Variants in RPSA2 observed in about 807,000 individuals in gnomAD.
The protein encoded by RPSA2 is ribosomal protein SA 2.
At chr19:23,815,097 T>G in the RPSA2 span, among the ~76,000 whole-genome samples, 1 of 152,174 alleles carries the variant, frequency 6.6e-6, no homozygotes, top group African/African-American at 2.4e-5. Flanking sequence ...CCTCCTACCT[T>G]GATCTCTAAG....
chr19:23,765,339 C>T, the RPSA2 span, among the ~76,000 whole-genome samples: 34 of 152,154 alleles, frequency 2.2e-4, no homozygotes, highest in African/African-American at 4.8e-4. Context: ...CACATGCATG[C>T]GTATGTGCAC....
chr19:23,778,272 G>T, the RPSA2 span, among the ~76,000 whole-genome samples: 1 of 152,156 alleles, frequency 6.6e-6, no homozygotes, highest in African/African-American at 2.4e-5. Context: ...GAATGCAATG[G>T]CGCAATCTCG....
the RPSA2 span, among the ~76,000 whole-genome samples, chr19:23,847,098 C>T: frequency 6.6e-6 from 1 of 151,760 alleles, no homozygotes; most frequent in African/African-American, 2.4e-5. Flanking sequence ...TTTAAAAGAC[C>T]TGTTTAAAGG....
the RPSA2 span, among the ~76,000 whole-genome samples, chr19:23,778,994 A>AATTT: frequency 3.7e-5 from 1 of 26,694 alleles, no homozygotes. Flanking sequence ...TTTTTGTGAC[A>AATTT]CTTTTTTTTT....
chr19:23,774,780 C>T, the RPSA2 span, among the ~76,000 whole-genome samples: 3 of 152,136 alleles, frequency 2.0e-5, no homozygotes, highest in African/African-American at 7.2e-5. Context: ...TGATATGACT[C>T]TACTGTCTGT....
chr19:23,869,107 G>A, the RPSA2 span, among the ~76,000 whole-genome samples: 1 of 152,168 alleles, frequency 6.6e-6, no homozygotes, highest in African/African-American at 2.4e-5. Context: ...CAATCCTCCA[G>A]CAGTACAACC....
the RPSA2 span, among the ~76,000 whole-genome samples, chr19:23,781,561 A>T: frequency 6.6e-6 from 1 of 150,380 alleles, no homozygotes; most frequent in Non-Finnish European, 1.5e-5. Flanking sequence ...CTGGTCTCGA[A>T]CTCCTGACCT....
the RPSA2 span, among the ~76,000 whole-genome samples, chr19:23,849,757 C>T: frequency 2.0e-5 from 3 of 152,256 alleles, no homozygotes; most frequent in Admixed American, 6.5e-5. Flanking sequence ...CTTTGGTGCC[C>T]AGTCTATTAC....
the RPSA2 span, among the ~76,000 whole-genome samples, chr19:23,824,896 TTTTTCTTCA>T: frequency 6.6e-6 from 1 of 152,180 alleles, no homozygotes; most frequent in Non-Finnish European, 1.5e-5. Context: ...CTCTGTATTT[TTTTTCTTCA>T]TTTTCTTCTT....
chr19:23,822,420 T>A, the RPSA2 span, among the ~76,000 whole-genome samples: 1 of 152,168 alleles, frequency 6.6e-6, no homozygotes, highest in African/African-American at 2.4e-5. Context: ...ATTCCTGCAA[T>A]CTGGCCAGGT....
the RPSA2 span, among the ~76,000 whole-genome samples, chr19:23,857,061 C>T: frequency 6.6e-6 from 1 of 152,124 alleles, no homozygotes; most frequent in South Asian, 2.1e-4. Context: ...GTCCTTATCT[C>T]AATCGCATAG....
chr19:23,848,309 C>T, the RPSA2 span, among the ~76,000 whole-genome samples: 12 of 152,118 alleles, frequency 7.9e-5, no homozygotes, highest in Admixed American at 2.0e-4. Flanking sequence ...TTTATATAAA[C>T]GTGCCATGGC....
At chr19:23,828,078 A>G in the RPSA2 span, 3 of 614,460 alleles carry the variant, frequency 4.9e-6, no homozygotes, top group Non-Finnish European at 8.5e-6. Context: ...CTTAAGCAGC[A>G]TGGAAAAATG....
the RPSA2 span, among the ~76,000 whole-genome samples, chr19:23,803,205 C>G: frequency 6.6e-6 from 1 of 151,746 alleles, no homozygotes; most frequent in South Asian, 2.1e-4. Flanking sequence ...CAACCCTGAT[C>G]AGATTCACCC....
chr19:23,781,550 G>T, the RPSA2 span, among the ~76,000 whole-genome samples: 2 of 145,612 alleles, frequency 1.4e-5, no homozygotes, highest in Non-Finnish European at 3.0e-5. Context: ...TGTTGGTCAG[G>T]CTGGTCTCGA....
chr19:23,804,298 T>C, the RPSA2 span, among the ~76,000 whole-genome samples: 5 of 22,588 alleles, frequency 2.2e-4, no homozygotes, highest in Non-Finnish European at 4.7e-4. Flanking sequence ...ATTTTTCTTT[T>C]TCTTTTTTTT....
At chr19:23,832,705 G>A in the RPSA2 span, 5 of 1,511,632 alleles carry the variant, frequency 3.3e-6, no homozygotes, top group South Asian at 1.1e-5. Context: ...GATGCACACT[G>A]GAGAGAAACC....
chr19:23,856,579 G>T, the RPSA2 span, among the ~76,000 whole-genome samples: 6 of 152,170 alleles, frequency 3.9e-5, no homozygotes, highest in African/African-American at 1.2e-4. Context: ...AGGGAATCGG[G>T]TTCCCACATG....
chr19:23,858,446 T>C, the RPSA2 span, among the ~76,000 whole-genome samples: 1 of 152,208 alleles, frequency 6.6e-6, no homozygotes, highest in African/African-American at 2.4e-5. Context: ...TCTTGCTTAT[T>C]CATACATACA....
Sources: allele counts gnomAD v4.1 joint callset (sites outside exome capture counted in the v4.1 genomes callset), GRCh38; gene constraint gnomAD v4.1.1; transcripts MANE v1.5; gene names NCBI Gene and HGNC (gene_info 2026-07-23, HGNC 2026-07-21).